The following KLHL29 variants were observed in gnomAD, a reference collection of about 807,000 sequenced individuals.
KLHL29 encodes the protein kelch like family member 29.
In KLHL29, 21 loss-of-function variants were observed where a neutral mutation model predicts 80.4. The ratio of observed to expected loss-of-function variants is 0.26; its 90% CI spans 0.19 to 0.38. KLHL29 has a LOEUF of 0.38. KLHL29 is among the 10% of genes least tolerant of loss of function. The probability of loss-of-function intolerance (pLI) is 1.00; values close to 1 mark genes in which losing one functional copy is unlikely to be tolerated. For missense variants in KLHL29, 867 were observed against 1,223.9 expected (o/e 0.71, Z 4.35); for synonymous variants, 511 against 526.8 (o/e 0.97, Z 0.41).
intron 1 of KLHL29, among the ~76,000 whole-genome samples, chr2:23,449,783 G>A (rs2103420605): frequency 6.6e-6 from 1 of 152,204 alleles, no homozygotes; most frequent in Admixed American, 6.5e-5. Flanking sequence ...CTCTCCAATG[G>A]CCCATACAAC....
intron 2 of KLHL29, among the ~76,000 whole-genome samples, chr2:23,486,754 GCTCACCTCTGGTGTCAACAGGGCCCATC>G (rs1664941245): frequency 6.6e-6 from 1 of 152,200 alleles, no homozygotes; most frequent in South Asian, 2.1e-4. Flanking sequence ...GCAGCTCCCT[GCTCACCTCTGGTGTCAACAGGGCCCATC>G]CTTAGGGCCC....
rs1435821534 is a variant in KLHL29 at position 23,509,062 on chromosome 2, AG to A, written c.-46+33397del. On this transcript the variant is annotated intron_variant, in intron 2 of 13. Coordinates refer to ENST00000486442, the MANE Select transcript of KLHL29 (RefSeq NM_052920.2). ...AATGGGTTACTGCTTGGAAGTGCCA[AG>A]GATGGTATAGAAATAAAATAAAACG... Among the ~76,000 whole-genome samples the A allele has an allele frequency of 2.0e-5, 3 of 152,198 alleles. No individual in the cohort carries two copies. The East Asian group carries it at 5.8e-4, about 29-fold the overall frequency.
At chr2:23,616,005 C>T (rs760876328) in intron 3 of KLHL29, among the ~76,000 whole-genome samples, 1 of 152,168 alleles carries the variant, frequency 6.6e-6, no homozygotes, top group Non-Finnish European at 1.5e-5. Context: ...TTGATCCCTC[C>T]TCCTAAGGGA....
chr2:23,557,481 C>T (rs1251742076), intron 2 of KLHL29, among the ~76,000 whole-genome samples: 2 of 151,976 alleles, frequency 1.3e-5, no homozygotes, highest in Non-Finnish European at 2.9e-5. Context: ...CCGGAGTCTC[C>T]ATCTCCTGCC....
chr2:23,643,078 G>A, intron 5 of KLHL29: 1 of 681,290 alleles, frequency 1.5e-6, no homozygotes, highest in Non-Finnish European at 2.7e-6. Flanking sequence ...AATGCGCCGG[G>A]GTAAGAAGAG....
chr2:23,698,527 G>C (rs957076317), intron 11 of KLHL29, among the ~76,000 whole-genome samples: 2 of 151,796 alleles, frequency 1.3e-5, no homozygotes, highest in Admixed American at 1.3e-4. Flanking sequence ...TGGTACAAAT[G>C]GCTATTATAT....
At chr2:23,671,041 TCCCAGCTGTGACTCCTCCCTGGATG>T (rs1670733721) in intron 5 of KLHL29, among the ~76,000 whole-genome samples, 1 of 55,406 alleles carries the variant, frequency 1.8e-5, no homozygotes, top group East Asian at 3.1e-3. Flanking sequence ...CCTCACATCC[TCCCAGCTGTGACTCCTCCCTGGATG>T]GGATTCGCAG....
At chr2:23,386,398 G>T (rs1185914805) in intron 1 of KLHL29, among the ~76,000 whole-genome samples, 1 of 152,164 alleles carries the variant, frequency 6.6e-6, no homozygotes, top group Non-Finnish European at 1.5e-5. Flanking sequence ...GAGGGAACCC[G>T]CACAGACCTT....
At chr2:23,523,766 A>G (rs960151188) in intron 2 of KLHL29, among the ~76,000 whole-genome samples, 1 of 152,236 alleles carries the variant, frequency 6.6e-6, no homozygotes, top group African/African-American at 2.4e-5. Flanking sequence ...GCAAGAGCCA[A>G]TAAGCCGACG....
intron 5 of KLHL29, among the ~76,000 whole-genome samples, chr2:23,679,555 C>T (rs1458154678): frequency 6.8e-6 from 1 of 148,018 alleles, no homozygotes; most frequent in Non-Finnish European, 1.5e-5. Flanking sequence ...GTAGGGAAAT[C>T]ATCTCCACCT....
chr2:23,468,583 C>T (rs1173965741), intron 1 of KLHL29, among the ~76,000 whole-genome samples: 1 of 152,208 alleles, frequency 6.6e-6, no homozygotes, highest in Non-Finnish European at 1.5e-5. Context: ...TATCTGTGGA[C>T]CAGACTGGCT....
chr2:23,535,897 A>G (rs1159402920), intron 2 of KLHL29, among the ~76,000 whole-genome samples: 1 of 152,198 alleles, frequency 6.6e-6, no homozygotes, highest in Non-Finnish European at 1.5e-5. Context: ...AATGGCTAAA[A>G]TGGTCGGTTT....
rs143245625 is a variant in KLHL29, at chr2:23,702,995, G to A, written c.2106-191G>A. On this transcript the variant is annotated intron_variant, in intron 11 of 13. Coordinates refer to ENST00000486442, the MANE Select transcript of KLHL29 (RefSeq NM_052920.2). ...CTGATGTTCCAGAGGAAGGCCGAGA[G>A]GGCTAGTTTGGACGAGACCCCAGGA... is the stretch of plus-strand genomic sequence containing the variant. Among the ~76,000 whole-genome samples the A allele has an allele frequency of 7.2e-4, 109 of 152,344 alleles. 1 individual carries two copies. Among genetic ancestry groups the A allele is most frequent in the Admixed American group, 8.5e-4 (13 of 15,310 alleles).
At position 23,403,831 on chromosome 2, in the gene KLHL29, A is replaced by G. The variant is rs537146414; in HGVS notation, c.-154+18051A>G. ...TTTGCCATGCCTCTCCCAGAAAAAGAGCGTGTGTGCGTGTGTGTGCATATG... is the reference window on the plus strand; with the variant it reads ...TTTGCCATGCCTCTCCCAGAAAAAGGGCGTGTGTGCGTGTGTGTGCATATG... On this transcript the variant is annotated intron_variant, in intron 1 of 13. Transcript: ENST00000486442. 3.3e-5 allele frequency among the ~76,000 whole-genome samples: 5 copies of G among 151,676 alleles called. No individual in the cohort carries two copies. The East Asian group carries it at 9.7e-4, about 29-fold the overall frequency.
intron 1 of KLHL29, among the ~76,000 whole-genome samples, chr2:23,392,626 T>C (rs1666346398): frequency 6.6e-6 from 1 of 152,244 alleles, no homozygotes; most frequent in Admixed American, 6.5e-5. Context: ...CAAATGAAGA[T>C]GAGGCTCAGT....
intron 3 of KLHL29, among the ~76,000 whole-genome samples, chr2:23,597,303 A>ATGTGTGTGTGTGTGTGTGTGTG (rs1178808276): frequency 2.4e-5 from 2 of 82,214 alleles, no homozygotes. Context: ...TCTCATATAT[A>ATGTGTGTGTGTGTGTGTGTGTG]TATATATGTG....
chr2:23,535,931 A>T (rs1666647702), intron 2 of KLHL29, among the ~76,000 whole-genome samples: 1 of 152,216 alleles, frequency 6.6e-6, no homozygotes, highest in Non-Finnish European at 1.5e-5. Flanking sequence ...TTTGATTACA[A>T]TAAAAAGAAT....
At chr2:23,459,506 G>A (rs1230064800) in intron 1 of KLHL29, among the ~76,000 whole-genome samples, 1 of 152,172 alleles carries the variant, frequency 6.6e-6, no homozygotes, top group Non-Finnish European at 1.5e-5. Flanking sequence ...AGCCAGGGAG[G>A]CAGGGGTGAT....
chr2:23,526,162 A>T (rs1006116113), intron 2 of KLHL29, among the ~76,000 whole-genome samples: 7 of 152,214 alleles, frequency 4.6e-5, no homozygotes. Context: ...AAGATTCTGG[A>T]GCCTTTGTTC....
Sources: allele counts gnomAD v4.1 joint callset (sites outside exome capture counted in the v4.1 genomes callset), GRCh38; gene constraint gnomAD v4.1.1; transcripts MANE v1.5; gene names NCBI Gene and HGNC (gene_info 2026-07-23, HGNC 2026-07-21).